WWOX: variants seen among roughly 807,000 people sequenced by gnomAD.
WWOX encodes WW domain-containing oxidoreductase.
Under a neutral mutation model 46.2 loss-of-function variants are expected in WWOX, and 69 were observed. That is an observed-to-expected ratio of 1.49 (90% confidence interval 1.23 to 1.82). The LOEUF is 1.82. Among genes scored for constraint, WWOX ranks in the 40% most tolerant of loss-of-function variants. WWOX has a pLI of 0.00. For synonymous variants in WWOX, 359 were observed against 202.6 expected (o/e 1.77, Z -6.56); for missense variants, 919 against 542.6 (o/e 1.69, Z -6.89).
At chr16:79,167,535 C>T (rs931831916) in intron 8 of WWOX, among the ~76,000 whole-genome samples, 4 of 152,214 alleles carry the variant, frequency 2.6e-5, no homozygotes, top group African/African-American at 9.6e-5. Flanking sequence ...GTTTTGCTTC[C>T]AGAGTCTCCT....
chr16:78,803,371 C>T (rs1311325691), intron 8 of WWOX, among the ~76,000 whole-genome samples: 1 of 151,886 alleles, frequency 6.6e-6, no homozygotes, highest in African/African-American at 2.4e-5. Flanking sequence ...GTATTTATTT[C>T]TCCAGCTCAT....
intron 8 of WWOX, among the ~76,000 whole-genome samples, chr16:79,139,170 T>G (rs958380882): frequency 1.3e-5 from 2 of 152,136 alleles, no homozygotes; most frequent in Non-Finnish European, 2.9e-5. Flanking sequence ...ATAATAATAA[T>G]CATACCTGGG....
At chr16:78,902,011 G>C (rs2047925) in intron 8 of WWOX, among the ~76,000 whole-genome samples, 19,144 of 152,206 alleles carry the variant, frequency 0.13, 1,598 homozygotes, top group Non-Finnish European at 0.17. Context: ...GGAAGAAGGG[G>C]ATGAAATAGT....
At chr16:79,059,329 A>G (rs1225086137) in intron 8 of WWOX, among the ~76,000 whole-genome samples, 2 of 152,232 alleles carry the variant, frequency 1.3e-5, no homozygotes, top group African/African-American at 2.4e-5. Context: ...AAGTGAGCAC[A>G]TTAACTATAT....
At chr16:78,224,141 C>G (rs888841351) in intron 5 of WWOX, among the ~76,000 whole-genome samples, 5 of 152,044 alleles carry the variant, frequency 3.3e-5, no homozygotes, top group Non-Finnish European at 7.4e-5. Flanking sequence ...GTAGCTGGGA[C>G]TACAGGCACC....
At chr16:79,073,508 C>T (rs766008664) in intron 8 of WWOX, among the ~76,000 whole-genome samples, 1 of 152,080 alleles carries the variant, frequency 6.6e-6, no homozygotes, top group African/African-American at 2.4e-5. Flanking sequence ...ATGGATTTAT[C>T]ATTTTAGGTG....
intron 5 of WWOX, among the ~76,000 whole-genome samples, chr16:78,218,164 C>T (rs1471125708): frequency 1.3e-5 from 2 of 152,152 alleles, no homozygotes; most frequent in Non-Finnish European, 2.9e-5. Context: ...AAGCGATCCT[C>T]CTGCCTCAGC....
intron 5 of WWOX, among the ~76,000 whole-genome samples, chr16:78,254,818 C>A (rs1253212861): frequency 6.6e-6 from 1 of 152,138 alleles, no homozygotes; most frequent in Non-Finnish European, 1.5e-5. Flanking sequence ...TGTGAACCAC[C>A]ACATCTGGCC....
chr16:79,201,348 T>C (rs3886896), intron 8 of WWOX, among the ~76,000 whole-genome samples: 2,064 of 57,812 alleles, frequency 0.036, 20 homozygotes, highest in Non-Finnish European at 0.063. Flanking sequence ...CTTTTCTTTT[T>C]TTTTTTTTTT....
chr16:78,948,347 G>A (rs774541272), intron 8 of WWOX, among the ~76,000 whole-genome samples: 43 of 152,124 alleles, frequency 2.8e-4, no homozygotes, highest in Non-Finnish European at 4.4e-4. Flanking sequence ...TTTCCAGAGC[G>A]TCTTCCTGAT....
rs192772836 is a variant in WWOX, at chr16:78,770,477, G to A, written c.1056+337725G>A. On this transcript the variant is annotated intron_variant, in intron 8 of 8. Coordinates refer to ENST00000566780, the MANE Select transcript of WWOX (RefSeq NM_016373.4). ...TGGGGTCCCCACGGGCCAGGACTGG[G>A]ATCTGGACTGGGCCATGGCCCATTG... Among the ~76,000 whole-genome samples the A allele has an allele frequency of 3.5e-3, 532 of 152,308 alleles. 4 individuals carry two copies. The highest frequency in any genetic ancestry group is 0.017 in the Middle Eastern group (5 of 294).
chr16:78,948,320 T>A (rs2045988897), intron 8 of WWOX, among the ~76,000 whole-genome samples: 1 of 152,206 alleles, frequency 6.6e-6, no homozygotes, highest in African/African-American at 2.4e-5. Flanking sequence ...AAGAACTTCT[T>A]GTCTCCCTTT....
rs183658330 is a variant in WWOX at position 78,135,516 on chromosome 16, C to T, written c.409+20362C>T. Among the ~76,000 whole-genome samples the T allele has an allele frequency of 5.3e-4, 81 of 152,160 alleles. 1 individual carries two copies. The highest frequency in any genetic ancestry group is 1.8e-3 in the African/African-American group (76 of 41,522). ...GTTGTTTAGATATTATTATAGAAGC[C>T]AGCTTTACTGACTTCTGCACATTTA... On this transcript the variant is annotated intron_variant, in intron 4 of 8. Coordinates refer to ENST00000566780, the MANE Select transcript of WWOX (RefSeq NM_016373.4).
chr16:78,626,293 G>A (rs1297155638), intron 8 of WWOX, among the ~76,000 whole-genome samples: 1 of 152,014 alleles, frequency 6.6e-6, no homozygotes, highest in Non-Finnish European at 1.5e-5. Flanking sequence ...ACCACGCTCA[G>A]CTAATTTTTG....
chr16:78,628,841 G>C (rs985021457), intron 8 of WWOX, among the ~76,000 whole-genome samples: 1 of 152,152 alleles, frequency 6.6e-6, no homozygotes, highest in Non-Finnish European at 1.5e-5. Context: ...AGCTGGTTTC[G>C]TGAGGGATTA....
chr16:78,249,217 T>C (rs186057428), intron 5 of WWOX, among the ~76,000 whole-genome samples: 1 of 152,060 alleles, frequency 6.6e-6, no homozygotes, highest in Admixed American at 6.5e-5. Flanking sequence ...GCTCATGGAG[T>C]GGTGGCGGTG....
At chr16:78,457,771 C>T (rs916747758) in intron 8 of WWOX, among the ~76,000 whole-genome samples, 59 of 152,048 alleles carry the variant, frequency 3.9e-4, no homozygotes, top group African/African-American at 1.4e-3. Flanking sequence ...AAAATTATAG[C>T]TGGGCGTGGT....
chr16:78,328,105 C>A (rs984279350), intron 5 of WWOX, among the ~76,000 whole-genome samples: 2 of 152,004 alleles, frequency 1.3e-5, no homozygotes, highest in Non-Finnish European at 2.9e-5. Context: ...AACTCCTGGC[C>A]TCATGTGATT....
chr16:78,448,952 C>A (rs989058502), intron 8 of WWOX, among the ~76,000 whole-genome samples: 1 of 152,160 alleles, frequency 6.6e-6, no homozygotes, highest in Admixed American at 6.5e-5. Context: ...TCTAACAAAT[C>A]TCAGCTGGTC....
Sources: allele counts gnomAD v4.1 joint callset (sites outside exome capture counted in the v4.1 genomes callset), GRCh38; gene constraint gnomAD v4.1.1; transcripts MANE v1.5; gene names NCBI Gene and HGNC (gene_info 2026-07-23, HGNC 2026-07-21).